BRD9: variants seen among roughly 807,000 people sequenced by gnomAD.
BRD9 encodes bromodomain-containing protein 9.
In BRD9, 47 loss-of-function variants were observed where a neutral mutation model predicts 68.7. That is an observed-to-expected ratio of 0.68 (90% CI 0.54 to 0.87). The LOEUF (loss-of-function observed/expected upper bound fraction) is 0.87. Ranked by LOEUF, BRD9 falls within the 40% of genes least tolerant of loss-of-function variation. The probability of loss-of-function intolerance (pLI) is 0.00; values close to 1 mark genes in which losing one functional copy is unlikely to be tolerated. For missense variants in BRD9, 670 were observed against 748.4 expected (o/e 0.90, Z 1.22); for synonymous variants, 313 against 293.9 (o/e 1.06, Z -0.67).
chr5:873,508 C>T (rs906228220), intron 12 of BRD9, among the ~76,000 whole-genome samples: 3 of 152,194 alleles, frequency 2.0e-5, no homozygotes, highest in Non-Finnish European at 2.9e-5. Flanking sequence ...CAGATACCGC[C>T]CTTCTAGGCC....
intron 7 of BRD9, among the ~76,000 whole-genome samples, chr5:885,779 G>A (rs966612267): frequency 2.0e-5 from 3 of 152,222 alleles, no homozygotes; most frequent in South Asian, 4.1e-4. Context: ...GCTTCTGCCC[G>A]CTGCAGGCTA....
At chr5:874,194 C>A (rs1026231025) in intron 12 of BRD9, among the ~76,000 whole-genome samples, 3 of 152,242 alleles carry the variant, frequency 2.0e-5, no homozygotes, top group Non-Finnish European at 4.4e-5. Flanking sequence ...ACCTCCCGGC[C>A]TCAAGTGATC....
intron 4 of BRD9, 76 bp from the exon 5 acceptor site, chr5:889,241 G>A (rs1399335941): frequency 1.4e-6 from 2 of 1,450,006 alleles, no homozygotes; most frequent in African/African-American, 2.9e-5. Context: ...TCCAAAAATT[G>A]GATACAACTG....
intron 13 of BRD9, among the ~76,000 whole-genome samples, chr5:870,987 A>AC (rs1322072475): frequency 4.6e-5 from 7 of 151,538 alleles, no homozygotes; most frequent in African/African-American, 7.3e-5. Context: ...GACTACAGCC[A>AC]CCCTAACACA....
intron 1 of BRD9, chr5:892,378 A>T (rs1014394021): frequency 1.9e-6 from 2 of 1,031,604 alleles, no homozygotes; most frequent in Admixed American, 3.5e-5. Context: ...GTGGGCTTGC[A>T]GCCTCGAACC....
At chr5:866,752 A>G (rs925280574) in intron 14 of BRD9, among the ~76,000 whole-genome samples, 5 of 152,196 alleles carry the variant, frequency 3.3e-5, no homozygotes, top group Non-Finnish European at 7.4e-5. Flanking sequence ...TCTAAGCACT[A>G]AAGCATTCAA....
intron 14 of BRD9, among the ~76,000 whole-genome samples, chr5:868,059 T>C (rs1749610904): frequency 6.6e-6 from 1 of 152,144 alleles, no homozygotes; most frequent in African/African-American, 2.4e-5. Context: ...GGGGATGGAT[T>C]TCCCCCTTGC....
At chr5:884,734 AGCCCTGCCCATGAGAGCG>A (rs1206273309) in intron 7 of BRD9, among the ~76,000 whole-genome samples, 1 of 152,252 alleles carries the variant, frequency 6.6e-6, no homozygotes, top group Non-Finnish European at 1.5e-5. Context: ...GCCCAGGACA[AGCCCTGCCCATGAGAGCG>A]GCCCTGCCCT....
At position 891,799 on chromosome 5, in the gene BRD9, T is replaced by C; in HGVS notation, c.108A>G (p.Gly36=). The part of the protein sequence containing the change: ...KPLKLVLKVG[G]SEVTELSGSG... ...ATCCTGAGAGTTCAGTCACTTCACT[T>C]CCTCCGACCTTCAGGACTAGCTTTA... Residue 36 remains glycine, a synonymous_variant, in exon 2 of 16, where the codon GGA becomes GGG. Coordinates refer to ENST00000467963, the MANE Select transcript of BRD9 (RefSeq NM_023924.5). 1 of 1,551,622 alleles carries C rather than the reference T, an allele frequency of 6.4e-7. No homozygotes were observed. The highest frequency in any genetic ancestry group is 8.7e-7 in the Non-Finnish European group (1 of 1,146,986).
chr5:871,759 C>T (rs1035060070), intron 12 of BRD9, among the ~76,000 whole-genome samples, 195 bp from the exon 13 acceptor site: 5 of 152,252 alleles, frequency 3.3e-5, no homozygotes, highest in Non-Finnish European at 5.9e-5. Flanking sequence ...CCCAACCACG[C>T]CCAGCCCCCT....
At chr5:882,932 C>A (rs943730548) in intron 8 of BRD9, 2 of 267,826 alleles carry the variant, frequency 7.5e-6, no homozygotes, top group Non-Finnish European at 1.5e-5. Flanking sequence ...AACTTCCCAA[C>A]ATGCAAGCCA....
At position 883,996 on chromosome 5, in the gene BRD9, A is replaced by G. The variant is rs958430060; in HGVS notation, c.908T>C (p.Val303Ala). Reference protein sequence around the residue: ...STAEEHVLALVEHAADEARDR... With the variant: ...STAEEHVLALAEHAADEARDR... ...CCGAGCTTCGTCAGCTGCGTGCTCC[A>G]CCAGCGCCAGCACGTGCTCCTCTGC... The change falls in exon 8 of 16, where the codon GTG becomes GCG. Residue 303 changes from valine (V) to alanine (A), a missense_variant. Transcript: ENST00000467963. The G allele has an allele frequency of 1.2e-6, 2 of 1,613,666 alleles. No homozygotes were observed. Among genetic ancestry groups the G allele is most frequent in the African/African-American group, 2.7e-5 (2 of 74,930 alleles).
At chr5:880,916 C>A (rs1362842093) in intron 9 of BRD9, among the ~76,000 whole-genome samples, 191 bp downstream of exon 9, 1 of 152,260 alleles carries the variant, frequency 6.6e-6, no homozygotes, top group Non-Finnish European at 1.5e-5. Flanking sequence ...CCAGCACCCC[C>A]GCCCCGCGAG....
chr5:883,228 G>T (rs541037193), intron 8 of BRD9: 13 of 431,338 alleles, frequency 3.0e-5, no homozygotes, highest in African/African-American at 1.8e-4. Context: ...CATCCCATGT[G>T]CATTTTGAAG....
Position 887,459 on chromosome 5 carries a change from G to A in BRD9, c.619C>T (p.Leu207=). The stretch of plus-strand genomic sequence containing the variant: ...TATGTCATTGCATTATCACACATCA[G>A]CTTGAAATCTGCCTGAAAAGAAAAC... ...SVTEFKADFK[L]MCDNAMTYNR... is the part of the protein sequence containing the mutation. The change falls in exon 6 of 16, where the codon CTG becomes TTG. Residue 207 remains leucine, a synonymous_variant. Transcript: ENST00000467963. 1 of 1,613,262 alleles carries A rather than the reference G, an allele frequency of 6.2e-7. No homozygotes were observed. The highest frequency in any genetic ancestry group is 8.5e-7 in the Non-Finnish European group (1 of 1,179,414).
At chr5:867,872 A>G (rs897649131) in intron 14 of BRD9, among the ~76,000 whole-genome samples, 4 of 152,216 alleles carry the variant, frequency 2.6e-5, no homozygotes, top group African/African-American at 9.6e-5. Flanking sequence ...ATGAGTTAAG[A>G]CTTTAGGGGA....
Position 878,290 on chromosome 5 carries a change from C to G in BRD9, c.1271+65G>C, listed in dbSNP as rs183458113. On this transcript the variant is annotated intron_variant, in intron 11 of 15. Transcript: ENST00000467963. ...CCACCCGCACACATGTGGGACTCCACGTCCCACACCAGGGCACAGCTCAAG... is the reference window on the plus strand; with the variant it reads ...CCACCCGCACACATGTGGGACTCCAGGTCCCACACCAGGGCACAGCTCAAG... 2.0e-4 allele frequency: 321 copies of G among 1,565,992 alleles called. 1 individual carries two copies. The East Asian group carries it at 6.6e-3, about 32-fold the overall frequency.
At chr5:889,799 T>C (rs1434797994) in intron 3 of BRD9, 152 bp from the exon 4 acceptor site, 2 of 1,463,640 alleles carry the variant, frequency 1.4e-6, no homozygotes, top group Admixed American at 2.0e-5. Flanking sequence ...GACTCAGCCT[T>C]GGCTCCCACC....
chr5:886,905 T>G, intron 6 of BRD9, 198 bp from the exon 7 acceptor site: 1 of 957,208 alleles, frequency 1.0e-6, no homozygotes, highest in Non-Finnish European at 1.5e-6. Context: ...CAGCGGGAGG[T>G]GGTTGTGGGG....
Sources: gnomAD v4.1 joint callset for allele counts (sites outside exome capture counted in the v4.1 genomes callset) on GRCh38, gnomAD v4.1.1 for gene constraint, MANE v1.5 for transcripts, NCBI Gene and HGNC (gene_info 2026-07-23, HGNC 2026-07-21) for gene names.